CEP76: variants seen among roughly 807,000 people sequenced by gnomAD.
The protein encoded by CEP76 is centrosomal protein 76.
A neutral mutation model predicts 83.3 loss-of-function variants in CEP76; 55 were observed. That is an observed-to-expected ratio of 0.66 (90% CI 0.53 to 0.83). The LOEUF (loss-of-function observed/expected upper bound fraction) is 0.83. CEP76 is among the 40% of genes least tolerant of loss of function. The probability of loss-of-function intolerance (pLI) is 0.00; values close to 1 mark genes in which losing one functional copy is unlikely to be tolerated. For synonymous variants in CEP76, 270 were observed against 274.5 expected (o/e 0.98, Z 0.16); for missense variants, 694 against 799.5 (o/e 0.87, Z 1.59).
In CEP76 at chr18:12,699,121, C is replaced by T. The variant is rs1484942147; in HGVS notation, c.378G>A (p.Glu126=). The stretch of plus-strand genomic sequence containing the variant: ...TTGAACAAACTTGTCCAGGTAAAGG[C>T]TCAGGTTCTTGCAGATGTTCCAAGA... The part of the protein sequence containing the change: ...KAFLEHLQEP[E]PLPGQVCSTF... The change falls in exon 4 of 12, where the codon GAG becomes GAA. Residue 126 remains glutamate, a synonymous_variant. Transcript: ENST00000262127. The T allele has an allele frequency of 1.9e-6, 3 of 1,614,002 alleles. No individual in the cohort carries two copies. Among genetic ancestry groups the T allele is most frequent in the South Asian group, 1.1e-5 (1 of 91,084 alleles).
At chr18:12,667,108 AAG>A (rs2144952379) in intron 12 of CEP76, among the ~76,000 whole-genome samples, 1 of 152,340 alleles carries the variant, frequency 6.6e-6, no homozygotes, top group South Asian at 2.1e-4. Context: ...TGATTAAAAA[AAG>A]AAAATATTGA....
At chr18:12,686,042 T>A (rs931492563) in intron 8 of CEP76, 2 of 421,922 alleles carry the variant, frequency 4.7e-6, no homozygotes, top group Non-Finnish European at 8.5e-6. Context: ...TAAACGTTGT[T>A]ACACACCATT....
Position 12,699,869 on chromosome 18 carries a change from GT to G in CEP76, c.255del (p.Lys85AsnfsTer12). The G allele has an allele frequency of 1.3e-6, 2 of 1,595,644 alleles. No homozygotes were observed. Among genetic ancestry groups the G allele is most frequent in the Admixed American group, 1.7e-5 (1 of 57,900 alleles). ...SVEQELPSSP[K>X]QPICFDRQST... ...GATTGTCTATCAAAACAAATAGGTT[GT>G]TTTGGAGAGGAAGGGAGTTCTTGCT... is the stretch of plus-strand genomic sequence containing the variant. On this transcript the variant is annotated frameshift_variant, in exon 3 of 12. Transcript: ENST00000262127. LOFTEE classifies it high-confidence loss of function.
chr18:12,700,071 G>T, intron 2 of CEP76, 166 bp from the exon 3 acceptor site: 1 of 428,816 alleles, frequency 2.3e-6, no homozygotes. Context: ...ATAAAAGCCT[G>T]CATAAAAGAT....
chr18:12,678,108 C>G lies in CEP76; in HGVS notation c.1623+1G>C. 5 of 1,605,462 alleles carry G rather than the reference C, an allele frequency of 3.1e-6. No individual in the cohort carries two copies. The highest frequency in any genetic ancestry group is 4.3e-6 in the Non-Finnish European group (5 of 1,172,538). ...ACTACAACTATTTCAGTGTGAATTA[C>G]CTTCCTGTGTTCTGACACCAGGAGC... On this transcript the variant is annotated splice_donor_variant, in intron 10 of 11. Transcript: ENST00000262127. LOFTEE classifies it high-confidence loss of function.
At chr18:12,698,785 C>A in intron 4 of CEP76, 194 bp downstream of exon 4, 2 of 564,926 alleles carry the variant, frequency 3.5e-6, no homozygotes, top group South Asian at 2.6e-5. Flanking sequence ...AAAATAATAT[C>A]CAGGGAAAAT....
intron 5 of CEP76, 117 bp from the exon 6 acceptor site, chr18:12,695,468 G>A (rs150853247): frequency 0.012 from 5,797 of 481,032 alleles, 71 homozygotes; most frequent in Non-Finnish European, 0.015. Flanking sequence ...ATGGAATAAA[G>A]ATAACATTCA....
chr18:12,695,880 A>G (rs2039938669), intron 5 of CEP76, among the ~76,000 whole-genome samples: 2 of 150,380 alleles, frequency 1.3e-5, no homozygotes, highest in Admixed American at 1.3e-4. Flanking sequence ...ACACACACAC[A>G]CACACTAAAA....
intron 9 of CEP76, among the ~76,000 whole-genome samples, chr18:12,679,680 C>T (rs978323380): frequency 7.2e-5 from 11 of 152,170 alleles, no homozygotes; most frequent in Non-Finnish European, 1.0e-4. Flanking sequence ...GATTTGCCAA[C>T]GTGGAGATGG....
chr18:12,683,186 C>CAAA lies in CEP76; in HGVS notation c.1123-2361_1123-2359dup, dbSNP rs765652085. Among the ~76,000 whole-genome samples the CAAA allele has an allele frequency of 1.0e-3, 66 of 63,674 alleles. 1 individual carries two copies. The highest frequency in any genetic ancestry group is 1.7e-3 in the Non-Finnish European group (54 of 32,436). 41.8% of individuals were successfully genotyped at this position (63,674 alleles called of 152,430 possible). A position where few individuals can be genotyped will look rare whatever the true frequency, so the allele number is the denominator to read the frequency against. ...GAAACCCCATCTCTACTAAAAATAC[C>CAAA]AAAAAAAAAAAAAAAAAAGCCAGGC... On this transcript the variant is annotated intron_variant, in intron 8 of 11. Coordinates refer to ENST00000262127, the MANE Select transcript of CEP76 (RefSeq NM_024899.4).
At chr18:12,688,075 C>G (rs901639049) in intron 7 of CEP76, among the ~76,000 whole-genome samples, 1 of 151,524 alleles carries the variant, frequency 6.6e-6, no homozygotes, top group Non-Finnish European at 1.5e-5. Flanking sequence ...AACCCCATCT[C>G]CACTAAAAAT....
chr18:12,695,494 T>A (rs1334225635), intron 5 of CEP76, 143 bp from the exon 6 acceptor site: 1 of 453,564 alleles, frequency 2.2e-6, no homozygotes, highest in Non-Finnish European at 3.9e-6. Flanking sequence ...ACCTTTAATA[T>A]TCATATTAAA....
chr18:12,679,896 C>G (rs1568015025), intron 9 of CEP76, among the ~76,000 whole-genome samples: 2 of 151,704 alleles, frequency 1.3e-5, no homozygotes, highest in Non-Finnish European at 2.9e-5. Context: ...AAGCTCATCC[C>G]TACAAAAAAA....
intron 10 of CEP76, among the ~76,000 whole-genome samples, 200 bp downstream of exon 10, chr18:12,677,909 G>A (rs992145298): frequency 3.3e-5 from 5 of 152,156 alleles, no homozygotes; most frequent in Admixed American, 1.3e-4. Context: ...CATTCTATAA[G>A]TATTAATTAA....
chr18:12,698,068 G>A (rs1298428607), intron 4 of CEP76, among the ~76,000 whole-genome samples: 1 of 151,414 alleles, frequency 6.6e-6, no homozygotes, highest in African/African-American at 2.4e-5. Flanking sequence ...ATTTAGTTAT[G>A]AGAATTACAT....
At chr18:12,674,490 G>T in intron 11 of CEP76, 46 bp downstream of exon 11, 13 of 1,352,072 alleles carry the variant, frequency 9.6e-6, no homozygotes, top group African/African-American at 1.4e-5. Flanking sequence ...GGACTGATCT[G>T]TAAGACTCCT....
chr18:12,666,153 C>CA (rs35334528), intron 12 of CEP76, among the ~76,000 whole-genome samples: 1,505 of 116,854 alleles, frequency 0.013, 33 homozygotes, highest in African/African-American at 0.047. Flanking sequence ...CTCATCTCTA[C>CA]AAAAAAAAAA....
intron 12 of CEP76, among the ~76,000 whole-genome samples, chr18:12,667,086 C>A (rs2038819283): frequency 6.6e-6 from 1 of 151,730 alleles, no homozygotes; most frequent in African/African-American, 2.4e-5. Flanking sequence ...TAAAAAACCC[C>A]TCAAAAATTA....
intron 8 of CEP76, among the ~76,000 whole-genome samples, chr18:12,683,580 A>G (rs2039429078): frequency 1.3e-5 from 2 of 151,938 alleles, no homozygotes; most frequent in African/African-American, 4.8e-5. Flanking sequence ...GTGAAACCCC[A>G]TCTCTACTAA....
Sources: gnomAD v4.1 joint callset for allele counts (sites outside exome capture counted in the v4.1 genomes callset) on GRCh38, gnomAD v4.1.1 for gene constraint, MANE v1.5 for transcripts, NCBI Gene and HGNC (gene_info 2026-07-23, HGNC 2026-07-21) for gene names.